The following PRKCH variants were observed in gnomAD, a reference collection of about 807,000 sequenced individuals.
PRKCH encodes protein kinase C eta type.
In PRKCH, 28 loss-of-function variants were observed where a neutral mutation model predicts 82.5. The ratio of observed to expected loss-of-function variants is 0.34; its 90% CI spans 0.25 to 0.47. PRKCH has a LOEUF of 0.47. Among genes scored for constraint, PRKCH ranks in the 20% least tolerant of loss-of-function variants. PRKCH has a pLI of 1.00. For missense variants in PRKCH, 705 were observed against 881.8 expected, an observed-to-expected ratio of 0.80 and a Z score of 2.54; for synonymous variants, 322 against 327.4, an observed-to-expected ratio of 0.98 and a Z score of 0.18.
intron 10 of PRKCH, among the ~76,000 whole-genome samples, chr14:61,512,828 T>C (rs2042765319): frequency 6.6e-6 from 1 of 152,086 alleles, no homozygotes; most frequent in South Asian, 2.1e-4. Flanking sequence ...AATAAGTTTG[T>C]TTGTTCATTT....
intron 1 of PRKCH, among the ~76,000 whole-genome samples, chr14:61,256,249 C>A (rs1369077625): frequency 6.6e-6 from 1 of 152,168 alleles, no homozygotes; most frequent in African/African-American, 2.4e-5. Context: ...AATTGGCTCC[C>A]AAATGAATCA....
chr14:61,265,946 T>C (rs959923093), intron 1 of PRKCH, among the ~76,000 whole-genome samples: 1 of 151,990 alleles, frequency 6.6e-6, no homozygotes, highest in Non-Finnish European at 1.5e-5. Flanking sequence ...AATAAAAAAA[T>C]TAGCCAAGCG....
intron 1 of PRKCH, among the ~76,000 whole-genome samples, chr14:61,200,089 C>T (rs1259075631): frequency 6.6e-6 from 1 of 152,120 alleles, no homozygotes; most frequent in East Asian, 1.9e-4. Context: ...CATTATGAAT[C>T]CCTAAGGATG....
intron 1 of PRKCH, among the ~76,000 whole-genome samples, chr14:61,262,584 G>A (rs1269971614): frequency 6.6e-6 from 1 of 152,100 alleles, no homozygotes; most frequent in African/African-American, 2.4e-5. Context: ...TGGGATGATG[G>A]GAATAGTCTA....
chr14:61,284,560 C>G (rs954314565), intron 1 of PRKCH, among the ~76,000 whole-genome samples: 1 of 152,086 alleles, frequency 6.6e-6, no homozygotes, highest in African/African-American at 2.4e-5. Context: ...TCGTAAGTTC[C>G]GAGAGGTGGA....
chr14:61,236,725 A>AT (rs919109606), intron 1 of PRKCH, among the ~76,000 whole-genome samples: 34 of 148,784 alleles, frequency 2.3e-4, no homozygotes, highest in Admixed American at 4.0e-4. Context: ...AAAAAAAAAA[A>AT]AAAAAAGAAA....
At chr14:61,514,158 A>T (rs924892039) in intron 10 of PRKCH, among the ~76,000 whole-genome samples, 3 of 152,028 alleles carry the variant, frequency 2.0e-5, no homozygotes, top group African/African-American at 7.3e-5. Flanking sequence ...ATACCAGGAC[A>T]CCAGCCTGCT....
chr14:61,448,127 G>C (rs996535837), intron 4 of PRKCH, among the ~76,000 whole-genome samples: 19 of 152,146 alleles, frequency 1.2e-4, no homozygotes, highest in African/African-American at 4.6e-4. Context: ...CATATAAAAA[G>C]ACCAGTTCTC....
chr14:61,216,821 A>T (rs967639646), intron 1 of PRKCH, among the ~76,000 whole-genome samples: 3 of 152,240 alleles, frequency 2.0e-5, no homozygotes, highest in Admixed American at 6.5e-5. Context: ...AAAAAATTAT[A>T]GTTAATCTAA....
chr14:61,488,111 G>T (rs371472508), intron 10 of PRKCH, among the ~76,000 whole-genome samples: 1 of 151,264 alleles, frequency 6.6e-6, no homozygotes, highest in African/African-American at 2.4e-5. Flanking sequence ...CCGAGATCGC[G>T]CCACCGCACT....
chr14:61,547,862 A>G lies in PRKCH; in HGVS notation c.1881A>G (p.Ile627Met). 6.2e-7 allele frequency: 1 copy of G among 1,614,004 alleles called. No homozygotes were observed. Among genetic ancestry groups the G allele is most frequent in the Non-Finnish European group, 8.5e-7 (1 of 1,179,902 alleles). The change falls in exon 13 of 14, where the codon ATA (isoleucine) becomes ATG (methionine). Residue 627 changes from isoleucine to methionine, a missense_variant. Transcript: ENST00000332981. ...IDWAQLNHRQ[I>M]EPPFRPRIKS... ...GGGCCCAGCTGAACCATCGCCAAATAGAACCGCCTTTCAGACCCAGAATCG... is the reference window on the plus strand; with the variant it reads ...GGGCCCAGCTGAACCATCGCCAAATGGAACCGCCTTTCAGACCCAGAATCG...
chr14:61,332,392 G>A (rs1054713575), intron 1 of PRKCH, among the ~76,000 whole-genome samples: 2 of 152,200 alleles, frequency 1.3e-5, no homozygotes, highest in Admixed American at 6.5e-5. Context: ...AATTAGAGCA[G>A]TATCTGTCAA....
At chr14:61,350,697 A>C (rs2046061757) in intron 1 of PRKCH, among the ~76,000 whole-genome samples, 1 of 152,084 alleles carries the variant, frequency 6.6e-6, no homozygotes, top group African/African-American at 2.4e-5. Flanking sequence ...ACAACGCTTT[A>C]CCCAGCATCC....
intron 1 of PRKCH, among the ~76,000 whole-genome samples, chr14:61,201,612 GA>G (rs2044482558): frequency 1.3e-5 from 2 of 152,050 alleles, no homozygotes; most frequent in Non-Finnish European, 2.9e-5. Context: ...AAAAGGAAAA[GA>G]ACACTGACTT....
At chr14:61,522,928 T>G (rs1485391171) in intron 10 of PRKCH, among the ~76,000 whole-genome samples, 1 of 152,284 alleles carries the variant, frequency 6.6e-6, no homozygotes, top group African/African-American at 2.4e-5. Flanking sequence ...CCAAATGTTA[T>G]GCTTTTGCTA....
At chr14:61,257,429 G>A (rs1365924455) in intron 1 of PRKCH, among the ~76,000 whole-genome samples, 1 of 152,060 alleles carries the variant, frequency 6.6e-6, no homozygotes, top group Non-Finnish European at 1.5e-5. Flanking sequence ...TGGACTTAGA[G>A]ACCCCTATTT....
intron 1 of PRKCH, among the ~76,000 whole-genome samples, chr14:61,288,771 C>T (rs1382000222): frequency 1.3e-5 from 2 of 152,188 alleles, no homozygotes; most frequent in Non-Finnish European, 2.9e-5. Context: ...GAGCCACTCA[C>T]CTACTTCAGC....
chr14:61,368,038 A>C (rs996540798), intron 1 of PRKCH, among the ~76,000 whole-genome samples: 1 of 151,934 alleles, frequency 6.6e-6, no homozygotes, highest in African/African-American at 2.4e-5. Context: ...TCTGTAGGTG[A>C]ATCTTAGTAT....
intron 10 of PRKCH, among the ~76,000 whole-genome samples, chr14:61,519,274 TATGA>T (rs34647037): frequency 0.66 from 96,603 of 147,016 alleles, 33,581 homozygotes; most frequent in Non-Finnish European, 0.77. Context: ...AGAATGAGAT[TATGA>T]ATGAATGAAT....
Sources: allele counts gnomAD v4.1 joint callset (sites outside exome capture counted in the v4.1 genomes callset), GRCh38; gene constraint gnomAD v4.1.1; transcripts MANE v1.5; gene names NCBI Gene and HGNC (gene_info 2026-07-23, HGNC 2026-07-21).